CDHR1: variants seen among roughly 807,000 people sequenced by gnomAD.
The protein encoded by CDHR1 is cadherin-related family member 1.
CDHR1 carries 61 observed loss-of-function variants against 72.1 expected under a neutral mutation model. The ratio of observed to expected loss-of-function variants is 0.85; its 90% CI spans 0.69 to 1.05. CDHR1 has a LOEUF of 1.05. CDHR1 is among the 50% of genes least tolerant of loss of function. CDHR1 has a pLI of 0.00. For synonymous variants in CDHR1, 470 were observed against 448.1 expected (o/e 1.05, Z -0.62); for missense variants, 1,186 against 1,115.7 (o/e 1.06, Z -0.90).
Position 84,216,555 on chromosome 10 carries a change from TTA to T in CDHR1, c.*1936_*1937del. ...CTGATCCCCTGCTCCCTGCTTTCATTTATGTTTGCTGACCTGTGGAGACCAGT... is the reference window on the plus strand; with the variant it reads ...CTGATCCCCTGCTCCCTGCTTTCATTTGTTTGCTGACCTGTGGAGACCAGT... On this transcript the variant is annotated 3_prime_UTR_variant, in exon 17 of 17. Transcript: ENST00000623527. 2 of 985,482 alleles carry T rather than the reference TTA, an allele frequency of 2.0e-6. No homozygotes were observed. Among genetic ancestry groups the T allele is most frequent in the Non-Finnish European group, 2.4e-6 (2 of 829,948 alleles). 61.0% of individuals were successfully genotyped at this position (985,482 alleles called of 1,614,324 possible). A position where few individuals can be genotyped will look rare whatever the true frequency, so the allele number is the denominator to read the frequency against.
In CDHR1 at chr10:84,208,287, C is replaced by G; in HGVS notation, c.1077C>G (p.Pro359=). The change falls in exon 11 of 17, where the codon CCC becomes CCG. Residue 359 remains proline, a synonymous_variant. Coordinates refer to ENST00000623527, the MANE Select transcript of CDHR1 (RefSeq NM_033100.4). ...CAACATTCTATGGAGAGAGCGGACCCCAAAACAGGTTTGAGCTGTCCATGA... is the reference window on the plus strand; with the variant it reads ...CAACATTCTATGGAGAGAGCGGACCGCAAAACAGGTTTGAGCTGTCCATGA... The part of the protein sequence containing the change: ...HPPTFYGESG[P]QNRFELSMNE... 6.2e-7 allele frequency: 1 copy of G among 1,614,132 alleles called. No homozygotes were observed. The highest frequency in any genetic ancestry group is 1.1e-5 in the South Asian group (1 of 91,074).
At chr10:84,198,995 C>T in intron 4 of CDHR1, 37 bp from the exon 5 acceptor site, 2 of 1,487,864 alleles carry the variant, frequency 1.3e-6, no homozygotes, top group South Asian at 2.4e-5. Flanking sequence ...CAGAAGGTCT[C>T]ATTGCACTGG....
intron 9 of CDHR1, among the ~76,000 whole-genome samples, 179 bp downstream of exon 9, chr10:84,204,784 C>T (rs943353871): frequency 2.6e-5 from 4 of 152,180 alleles, no homozygotes; most frequent in African/African-American, 9.7e-5. Flanking sequence ...CGGTCCCTGC[C>T]TGTCATGATA....
Position 84,215,909 on chromosome 10 carries a change from C to A in CDHR1, c.*1288C>A. The A allele has an allele frequency of 1.0e-6, 1 of 985,426 alleles. No individual in the cohort carries two copies. Among genetic ancestry groups the A allele is most frequent in the African/African-American group, 1.7e-5 (1 of 57,320 alleles). The allele number at this position is 985,426 out of a possible 1,614,324, so 61.0% of individuals were successfully genotyped here. ...GCTACCGTCAGAGAGAACCAGAGCT[C>A]CAAGTCTTTAATTTGCCAAGATGAA... On this transcript the variant is annotated 3_prime_UTR_variant, in exon 17 of 17. Transcript: ENST00000623527.
rs762636041 is a variant in CDHR1, at chr10:84,205,839, C to A, written c.875C>A (p.Ala292Asp). 9.9e-6 allele frequency: 16 copies of A among 1,613,598 alleles called. No homozygotes were observed. Among genetic ancestry groups the A allele is most frequent in the East Asian group, 2.2e-5 (1 of 44,878 alleles). The change falls in exon 10 of 17, where the codon GCC becomes GAC. Residue 292 changes from alanine (A) to aspartate (D), a missense_variant. Physicochemically the swap from Ala to Asp is moderately radical, Grantham distance 126 (BLOSUM62 -2). Transcript: ENST00000623527. ...TCTCCCTTGACAGGGAACGATGGAG[C>A]CTTTGAAATTAATGAGACATCTGGA... is the stretch of plus-strand genomic sequence containing the variant. ...LYSLVNGNDG[A>D]FEINETSGAI...
intron 16 of CDHR1, 34 bp downstream of exon 16, chr10:84,213,382 C>G (rs1352165501): frequency 1.9e-6 from 3 of 1,613,650 alleles, no homozygotes; most frequent in African/African-American, 1.3e-5. Context: ...AAAAAGGGGT[C>G]AGCAGGCCAG....
intron 12 of CDHR1, among the ~76,000 whole-genome samples, chr10:84,210,390 C>T (rs181781599): frequency 1.6e-4 from 24 of 152,130 alleles, no homozygotes; most frequent in Non-Finnish European, 2.9e-4. Context: ...CTCAGCCTCC[C>T]GAGTAGCTGG....
chr10:84,195,849 T>A (rs924563868), intron 2 of CDHR1, among the ~76,000 whole-genome samples: 2 of 152,230 alleles, frequency 1.3e-5, no homozygotes, highest in African/African-American at 4.8e-5. Flanking sequence ...CTGCCCCTTA[T>A]GGCTGTGTGA....
In CDHR1 at chr10:84,217,516, G is replaced by A. The variant is rs1358451253; in HGVS notation, c.*2895G>A. 3 of 974,118 alleles carry A rather than the reference G, an allele frequency of 3.1e-6. No homozygotes were observed. The highest frequency in any genetic ancestry group is 3.7e-6 in the Non-Finnish European group (3 of 819,758). 60.3% of individuals were successfully genotyped at this position (974,118 alleles called of 1,614,324 possible). A position where few individuals can be genotyped will look rare whatever the true frequency, so the allele number is the denominator to read the frequency against. On this transcript the variant is annotated 3_prime_UTR_variant, in exon 17 of 17. Transcript: ENST00000623527. Reference sequence around the variant, plus strand: ...TGGGCAAGAGGTCAAGTCTCTCTGGGCCTCACTTTCCTCATTAACACAGGG... The same window carrying A: ...TGGGCAAGAGGTCAAGTCTCTCTGGACCTCACTTTCCTCATTAACACAGGG...
At position 84,218,275 on chromosome 10, in the gene CDHR1, G is replaced by A. The variant is rs535923480; in HGVS notation, c.*3654G>A. ...TAGTTTCCAGAATGAGGCGGTCATG[G>A]CTTAAGCGACCATCATTTGATCAAT... On this transcript the variant is annotated 3_prime_UTR_variant, in exon 17 of 17. Coordinates refer to ENST00000623527, the MANE Select transcript of CDHR1 (RefSeq NM_033100.4). The A allele has an allele frequency of 1.9e-5, 19 of 985,458 alleles. No homozygotes were observed. In the South Asian group the frequency reaches 8.9e-4, roughly 46 times the overall value. 61.0% of individuals were successfully genotyped at this position (985,458 alleles called of 1,614,324 possible). A position where few individuals can be genotyped will look rare whatever the true frequency, so the allele number is the denominator to read the frequency against.
rs775389758 is a variant in CDHR1 at position 84,204,539 on chromosome 10, C to G, written c.796C>G (p.Leu266Val). 1 of 1,612,846 alleles carries G rather than the reference C, an allele frequency of 6.2e-7. No homozygotes were observed. Among genetic ancestry groups the G allele is most frequent in the Non-Finnish European group, 8.5e-7 (1 of 1,178,950 alleles). Residue 266 changes from leucine (L) to valine (V), a missense_variant, in exon 9 of 17, where the codon CTG becomes GTG. By Grantham distance (32) the Leu-to-Val change is conservative (BLOSUM62 1). Coordinates refer to ENST00000623527, the MANE Select transcript of CDHR1 (RefSeq NM_033100.4). ...YEDTLPGSEV[L>V]KVVAMDGDRG... ...CTGTTTCCCCGAGGGCTCGGAGGTA[C>G]TGAAGGTGGTCGCCATGGATGGAGA...
chr10:84,212,123 G>A (rs796196989), intron 14 of CDHR1, 56 bp from the exon 15 acceptor site: 3 of 1,406,376 alleles, frequency 2.1e-6, no homozygotes, highest in Non-Finnish European at 3.0e-6. Flanking sequence ...GCATGTGTAT[G>A]TATGCACATA....
Position 84,208,026 on chromosome 10 carries a change from C to T in CDHR1, c.964-148C>T. The T allele has an allele frequency of 2.3e-5, 16 of 710,080 alleles. No homozygotes were observed. In the South Asian group the frequency reaches 2.3e-4, roughly 10 times the overall value. 44.0% of individuals were successfully genotyped at this position (710,080 alleles called of 1,614,324 possible). ...TAATCATGAAGTGATAGCTTGCCAT[C>T]TTTGCCATATATTATCAGTTAGAAC... On this transcript the variant is annotated intron_variant, in intron 10 of 16. Transcript: ENST00000623527.
chr10:84,206,035 G>T, intron 10 of CDHR1, 108 bp downstream of exon 10: 2 of 806,850 alleles, frequency 2.5e-6, no homozygotes, highest in Non-Finnish European at 4.2e-6. Flanking sequence ...TGGGGAGGGG[G>T]CTAGATGTTG....
chr10:84,217,190 G>A lies in CDHR1; in HGVS notation c.*2569G>A. The A allele has an allele frequency of 6.1e-6, 6 of 985,502 alleles. No individual in the cohort carries two copies. Among genetic ancestry groups the A allele is most frequent in the Non-Finnish European group, 6.0e-6 (5 of 829,988 alleles). The allele number at this position is 985,502 out of a possible 1,614,324, so 61.0% of individuals were successfully genotyped here. A position where few individuals can be genotyped will look rare whatever the true frequency, so the allele number is the denominator to read the frequency against. ...CCAAGTCCCTGTGTTACGAATGGTG[G>A]GCCAAGGGGCTGTCTGCTAGGTCCC... On this transcript the variant is annotated 3_prime_UTR_variant, in exon 17 of 17. Transcript: ENST00000623527.
chr10:84,197,886 G>A, intron 4 of CDHR1, 50 bp downstream of exon 4: 1 of 1,541,646 alleles, frequency 6.5e-7, no homozygotes, highest in Non-Finnish European at 9.0e-7. Flanking sequence ...ATTTGGGCCT[G>A]AGAAGGGTGA....
rs545329607 is a variant in CDHR1 at position 84,214,500 on chromosome 10, C to T, written c.2459C>T (p.Pro820Leu). 1.9e-6 allele frequency: 3 copies of T among 1,606,170 alleles called. No individual in the cohort carries two copies. The highest frequency in any genetic ancestry group is 1.7e-5 in the Admixed American group (1 of 59,956). ...CCTACTGTCTCTGGCTCTCTCACTC[C>T]GCAGCCGACCCAACCCCCGCCAAAA... ...TVPTVSGSLT[P>L]QPTQPPPKPK... Residue 820 changes from proline (P) to leucine (L), a missense_variant, in exon 17 of 17, where the codon CCG (proline) becomes CTG (leucine). Coordinates refer to ENST00000623527, the MANE Select transcript of CDHR1 (RefSeq NM_033100.4).
downstream of CDHR1, chr10:84,218,767 T>C: frequency 9.0e-6 from 9 of 1,003,372 alleles, no homozygotes; most frequent in Non-Finnish European, 9.6e-6. Context: ...AGATATCATG[T>C]TATTACATAT....
At chr10:84,207,999 T>C (rs1842258020) in intron 10 of CDHR1, among the ~76,000 whole-genome samples, 175 bp from the exon 11 acceptor site, 1 of 152,208 alleles carries the variant, frequency 6.6e-6, no homozygotes, top group Non-Finnish European at 1.5e-5. Flanking sequence ...TCTCTTGTCA[T>C]GTAATCATGA....
Sources: allele counts gnomAD v4.1 joint callset (sites outside exome capture counted in the v4.1 genomes callset), GRCh38; gene constraint gnomAD v4.1.1; transcripts MANE v1.5; gene names NCBI Gene and HGNC (gene_info 2026-07-23, HGNC 2026-07-21).